Variants in NEDD4L observed in about 807,000 individuals in gnomAD.
NEDD4L encodes NEDD4 like E3 ubiquitin protein ligase.
NEDD4L carries 54 observed loss-of-function variants against 148.9 expected under a neutral mutation model. That is an observed-to-expected ratio of 0.36 (90% confidence interval 0.29 to 0.45). The LOEUF (loss-of-function observed/expected upper bound fraction) is 0.45, where lower values mean the gene tolerates loss of function less well. Ranked by LOEUF, NEDD4L falls within the 20% of genes least tolerant of loss-of-function variation. The probability of loss-of-function intolerance (pLI) is 1.00; values close to 1 mark genes in which losing one functional copy is unlikely to be tolerated. For missense variants in NEDD4L, 856 were observed against 1,233.8 expected, an observed-to-expected ratio of 0.69 and a Z score of 4.59; for synonymous variants, 433 against 440.7, an observed-to-expected ratio of 0.98 and a Z score of 0.22.
At chr18:58,061,183 C>T (rs922568318) in intron 1 of NEDD4L, among the ~76,000 whole-genome samples, 1 of 152,140 alleles carries the variant, frequency 6.6e-6, no homozygotes. Context: ...TCATCTCGCC[C>T]CAAATGCTGC....
intron 5 of NEDD4L, among the ~76,000 whole-genome samples, chr18:58,309,992 A>G (rs887847137): frequency 2.0e-5 from 3 of 152,230 alleles, no homozygotes; most frequent in African/African-American, 7.2e-5. Flanking sequence ...AATCCTTGCA[A>G]GCACAGTTGT....
At chr18:58,222,409 A>C (rs538405498) in intron 2 of NEDD4L, among the ~76,000 whole-genome samples, 1 of 152,280 alleles carries the variant, frequency 6.6e-6, no homozygotes, top group East Asian at 1.9e-4. Flanking sequence ...ATTTAGACTA[A>C]ATTTTATTAT....
intron 1 of NEDD4L, among the ~76,000 whole-genome samples, chr18:58,117,065 G>A (rs1440365905): frequency 6.6e-6 from 1 of 152,212 alleles, no homozygotes; most frequent in African/African-American, 2.4e-5. Flanking sequence ...GAAAGCAAGT[G>A]CTTAGTAAAC....
chr18:58,298,562 A>G (rs57305612), intron 5 of NEDD4L, among the ~76,000 whole-genome samples: 48,428 of 152,138 alleles, frequency 0.32, 8,058 homozygotes, highest in African/African-American at 0.4. Flanking sequence ...TGCATGTGCA[A>G]CGTTTAGAAC....
chr18:58,174,211 G>C (rs781659053), intron 2 of NEDD4L, among the ~76,000 whole-genome samples: 4 of 152,106 alleles, frequency 2.6e-5, no homozygotes, highest in Non-Finnish European at 5.9e-5. Context: ...TCTCCTTCCC[G>C]TGTGGCTGGG....
At chr18:58,332,664 C>T (rs59293556) in intron 11 of NEDD4L, among the ~76,000 whole-genome samples, 4,701 of 152,152 alleles carry the variant, frequency 0.031, 234 homozygotes, top group African/African-American at 0.11. Flanking sequence ...GATTCTTTCA[C>T]AGTAACCAAT....
chr18:58,081,436 C>G (rs917305674), intron 1 of NEDD4L, among the ~76,000 whole-genome samples: 1 of 151,858 alleles, frequency 6.6e-6, no homozygotes, highest in Non-Finnish European at 1.5e-5. Context: ...AGGAAGGTCT[C>G]GATCTCCTGA....
chr18:58,212,928 A>C (rs192367735), intron 2 of NEDD4L, among the ~76,000 whole-genome samples: 12 of 149,646 alleles, frequency 8.0e-5, no homozygotes, highest in Admixed American at 2.0e-4. Context: ...AAGAATGTTA[A>C]TATAGAATAC....
At chr18:58,387,655 T>C (rs1193682964) in intron 27 of NEDD4L, 157 bp downstream of exon 27, 1 of 856,580 alleles carries the variant, frequency 1.2e-6, no homozygotes, top group Non-Finnish European at 1.6e-6. Flanking sequence ...TATTTGCCAA[T>C]GTGGTTCTAT....
At chr18:58,221,432 T>G in intron 2 of NEDD4L, 1 of 395,216 alleles carries the variant, frequency 2.5e-6, no homozygotes, top group Non-Finnish European at 3.4e-6. Context: ...AGCTAATTGC[T>G]GAGCTGGGTG....
intron 1 of NEDD4L, among the ~76,000 whole-genome samples, chr18:58,153,861 G>A (rs996027669): frequency 3.3e-5 from 5 of 152,106 alleles, no homozygotes; most frequent in African/African-American, 1.2e-4. Flanking sequence ...TGTTAGCCAG[G>A]ATGGTCTCTA....
chr18:58,138,390 CT>C, intron 1 of NEDD4L, among the ~76,000 whole-genome samples: 1 of 146,854 alleles, frequency 6.8e-6, no homozygotes, highest in South Asian at 2.2e-4. Flanking sequence ...CTTTCCTCCC[CT>C]CCTCCTCTTT....
At chr18:58,270,410 A>G (rs551319227) in intron 5 of NEDD4L, among the ~76,000 whole-genome samples, 2 of 152,344 alleles carry the variant, frequency 1.3e-5, no homozygotes, top group Admixed American at 1.3e-4. Context: ...TGCAAACTGT[A>G]GCTCAGTCTT....
chr18:58,377,411 CA>C (rs2047708909), intron 24 of NEDD4L, among the ~76,000 whole-genome samples: 1 of 152,136 alleles, frequency 6.6e-6, no homozygotes, highest in African/African-American at 2.4e-5. Context: ...TTTAATTTCA[CA>C]GTTAGAAATA....
chr18:58,248,790 A>T, intron 3 of NEDD4L, 109 bp from the exon 4 acceptor site: 1 of 629,530 alleles, frequency 1.6e-6, no homozygotes, highest in Non-Finnish European at 2.8e-6. Flanking sequence ...TGCTTCTCTT[A>T]GCTTTTTTTA....
At chr18:58,107,629 G>A (rs146024389) in intron 1 of NEDD4L, among the ~76,000 whole-genome samples, 2 of 152,118 alleles carry the variant, frequency 1.3e-5, no homozygotes, top group East Asian at 3.9e-4. Flanking sequence ...TGAGGTGGGA[G>A]GATCACTGGA....
chr18:58,110,861 G>T (rs1377831317), intron 1 of NEDD4L, among the ~76,000 whole-genome samples: 1 of 152,118 alleles, frequency 6.6e-6, no homozygotes, highest in African/African-American at 2.4e-5. Context: ...AATATAGCTA[G>T]GACCAAAAGC....
At chr18:58,178,938 T>A (rs1345035126) in intron 2 of NEDD4L, among the ~76,000 whole-genome samples, 1 of 152,190 alleles carries the variant, frequency 6.6e-6, no homozygotes, top group African/African-American at 2.4e-5. Flanking sequence ...TGGGAGTGGC[T>A]GGTAGAAAAA....
intron 2 of NEDD4L, among the ~76,000 whole-genome samples, chr18:58,219,255 T>C (rs2043475172): frequency 6.6e-6 from 1 of 152,220 alleles, no homozygotes; most frequent in Non-Finnish European, 1.5e-5. Flanking sequence ...AGATCAAATG[T>C]AGCCTTTTTT....
Sources: gnomAD v4.1 joint callset for allele counts (sites outside exome capture counted in the v4.1 genomes callset) on GRCh38, gnomAD v4.1.1 for gene constraint, MANE v1.5 for transcripts, NCBI Gene and HGNC (gene_info 2026-07-23, HGNC 2026-07-21) for gene names.